TRRAP: variants seen among roughly 807,000 people sequenced by gnomAD.
The protein encoded by TRRAP is transformation/transcription domain associated protein.
A neutral mutation model predicts 438.8 loss-of-function variants in TRRAP; 41 were observed. That is an observed-to-expected ratio of 0.09 (90% CI 0.07 to 0.12). TRRAP has a LOEUF of 0.12. Among genes scored for constraint, TRRAP ranks in the 10% least tolerant of loss-of-function variants. The pLI is 1.00. For missense variants in TRRAP, 3,122 were observed against 5,055.1 expected, an observed-to-expected ratio of 0.62 and a Z score of 11.60; for synonymous variants, 1,994 against 1,962.9, an observed-to-expected ratio of 1.02 and a Z score of -0.42.
At chr7:98,971,306 A>G (rs572739327) in intron 52 of TRRAP, among the ~76,000 whole-genome samples, 2 of 152,296 alleles carry the variant, frequency 1.3e-5, no homozygotes, top group Non-Finnish European at 2.9e-5. Flanking sequence ...GACTTCAAGG[A>G]GTAGTTTGAT....
At chr7:98,985,560 A>G (rs1485255959) in intron 62 of TRRAP, among the ~76,000 whole-genome samples, 1 of 152,226 alleles carries the variant, frequency 6.6e-6, no homozygotes, top group African/African-American at 2.4e-5. Flanking sequence ...TTTGCTGTCT[A>G]GCCCATCGCA....
rs114350460 is a variant in TRRAP at position 98,940,422 on chromosome 7, T to C, written c.4405-2527T>C. ...CCAGGCTGGTCTTAAACTCCTGACC[T>C]CATGTGAACCACTGCGCCTGGCCCA... On this transcript the variant is annotated intron_variant, in intron 30 of 72. Transcript: ENST00000456197. Among the ~76,000 whole-genome samples the C allele has an allele frequency of 6.2e-3, 940 of 152,242 alleles. 10 individuals carry two copies. Among genetic ancestry groups the C allele is most frequent in the African/African-American group, 0.021 (876 of 41,536 alleles).
chr7:98,916,355 C>G (rs930077790), intron 19 of TRRAP, among the ~76,000 whole-genome samples: 3 of 152,114 alleles, frequency 2.0e-5, no homozygotes, highest in Admixed American at 6.5e-5. Flanking sequence ...TCCTGTAATT[C>G]CTGTATAATT....
Position 98,956,266 on chromosome 7 carries a change from G to T in TRRAP, c.6058G>T (p.Val2020Phe). 1 of 1,614,214 alleles carries T rather than the reference G, an allele frequency of 6.2e-7. No individual in the cohort carries two copies. Among genetic ancestry groups the T allele is most frequent in the East Asian group, 2.2e-5 (1 of 44,878 alleles). ...RRLAVDLSEV[V>F]IKWELQRIKD... ...GCTGGCCGTGGACCTGTCTGAAGTC[G>T]TCATCAAGTGGGAGCTGCAGAGGAT... The change falls in exon 42 of 73, where the codon GTC (valine) becomes TTC (phenylalanine). Residue 2020 changes from valine (V) to phenylalanine (F), a missense_variant. Val to Phe is a conservative substitution (Grantham distance 50). Transcript: ENST00000456197. This position sits in a 1 kb window ranked among gnomAD's most constrained non-coding sequence, Gnocchi z 4.5.
At position 98,881,228 on chromosome 7, in the gene TRRAP, A is replaced by G; in HGVS notation, c.78A>G (p.Ala26=). The G allele has an allele frequency of 1.2e-6, 2 of 1,609,688 alleles. No individual in the cohort carries two copies. The highest frequency in any genetic ancestry group is 1.7e-6 in the Non-Finnish European group (2 of 1,177,700). ...TGAAAAAGTACCTTCAGTTTGTGGC[A>G]GCTCTCACAGATGTGAATACACGTG... ...TLMKKYLQFV[A]ALTDVNTPDE... is the part of the protein sequence containing the mutation. Residue 26 remains alanine, a synonymous_variant, in exon 2 of 73, where the codon GCA becomes GCG. Coordinates refer to ENST00000456197, the MANE Select transcript of TRRAP (RefSeq NM_001375524.1).
At chr7:98,911,544 T>A (rs2116413424) in intron 17 of TRRAP, among the ~76,000 whole-genome samples, 1 of 152,228 alleles carries the variant, frequency 6.6e-6, no homozygotes, top group South Asian at 2.1e-4. Flanking sequence ...AGGCCGGGGA[T>A]TGCTTGAGCC....
rs141066731 is a variant in TRRAP at position 99,003,055 on chromosome 7, T to C, written c.10310-1135T>C. Among the ~76,000 whole-genome samples, 40 of 152,308 alleles carry C rather than the reference T, an allele frequency of 2.6e-4. No individual in the cohort carries two copies. In the East Asian group the frequency reaches 7.0e-3, roughly 27 times the overall value. On this transcript the variant is annotated intron_variant, in intron 67 of 72. Transcript: ENST00000456197. ...CGCCACGACTCAGCCAGCATTCCAT[T>C]TGGGCTCAGGACGCCAGCCCTGGGG... is the stretch of plus-strand genomic sequence containing the variant.
At chr7:98,890,522 A>G (rs1322931366) in intron 4 of TRRAP, 77 bp downstream of exon 4, 21 of 1,035,664 alleles carry the variant, frequency 2.0e-5, no homozygotes, top group Non-Finnish European at 2.8e-5. Context: ...CAGAAAACTT[A>G]CGGTTCCACT....
chr7:98,993,478 TC>T, intron 65 of TRRAP, 59 bp from the exon 66 acceptor site: 1 of 1,574,334 alleles, frequency 6.4e-7, no homozygotes, highest in Non-Finnish European at 8.6e-7. Context: ...CCTGCAGCGC[TC>T]CGAGCCCTGG....
Position 98,881,125 on chromosome 7 carries a change from G to A in TRRAP, c.-26G>A, listed in dbSNP as rs1554402969. On this transcript the variant is annotated 5_prime_UTR_variant, in exon 2 of 73. An upstream open reading frame in the 5' UTR loses its in-frame stop. Transcript: ENST00000456197. ...CTCATGGACCTGATACTTTTCTCTT[G>A]AGAAGCAAACCAGCCCAAAAGAAAA... The A allele has an allele frequency of 1.9e-6, 3 of 1,593,422 alleles. No homozygotes were observed. Among genetic ancestry groups the A allele is most frequent in the Admixed American group, 1.7e-5 (1 of 57,214 alleles).
intron 3 of TRRAP, 93 bp downstream of exon 3, chr7:98,882,117 A>C: frequency 1.9e-6 from 2 of 1,053,572 alleles, no homozygotes; most frequent in Non-Finnish European, 2.8e-6. Context: ...CTAGCAACTC[A>C]AAGATCATTG....
chr7:98,945,670 A>G (rs1791019514), intron 31 of TRRAP, 77 bp from the exon 32 acceptor site: 1 of 1,540,290 alleles, frequency 6.5e-7, no homozygotes, highest in Non-Finnish European at 8.8e-7. Context: ...AATAACCCTT[A>G]CTGTGTTTGA....
At chr7:98,916,735 C>G (rs1454663404) in intron 19 of TRRAP, among the ~76,000 whole-genome samples, 1 of 152,188 alleles carries the variant, frequency 6.6e-6, no homozygotes, top group Non-Finnish European at 1.5e-5. Flanking sequence ...TTCCTCCCTC[C>G]CGGTCTCATT....
rs868948574 is a variant in TRRAP, at chr7:98,911,117, C to T, written c.1853C>T (p.Ala618Val). 1 of 1,614,068 alleles carries T rather than the reference C, an allele frequency of 6.2e-7. No individual in the cohort carries two copies. Among genetic ancestry groups the T allele is most frequent in the Non-Finnish European group, 8.5e-7 (1 of 1,180,004 alleles). Residue 618 changes from alanine to valine, a missense_variant, in exon 17 of 73, where the codon GCC becomes GTC. By Grantham distance (64) the Ala-to-Val change is moderately conservative (BLOSUM62 0). Transcript: ENST00000456197. ...AATGGACAGACATACATCCGTGTGGCCAACTGCCAGACTGTGAGAATGAAA... is the reference window on the plus strand; with the variant it reads ...AATGGACAGACATACATCCGTGTGGTCAACTGCCAGACTGTGAGAATGAAA... ...AGNGQTYIRV[A>V]NCQTVRMKEE...
intron 67 of TRRAP, among the ~76,000 whole-genome samples, chr7:99,000,795 G>A (rs1012476700): frequency 2.0e-5 from 3 of 152,238 alleles, no homozygotes; most frequent in Non-Finnish European, 4.4e-5. Flanking sequence ...GTCGTGGCCA[G>A]GCTGGGCTGG....
intron 45 of TRRAP, 51 bp from the exon 46 acceptor site, chr7:98,961,210 T>TA: frequency 1.3e-6 from 2 of 1,575,554 alleles, no homozygotes; most frequent in Non-Finnish European, 1.7e-6. Flanking sequence ...TAGAATTTGT[T>TA]GTCATTGAGT....
rs1796873406 is a variant in TRRAP at position 98,908,115 on chromosome 7, G to A, written c.1116-613G>A. ...GAACTGTCCCTGGAACCCTGTTTAA[G>A]AATAGCTTGCCCCACTCATCTTTCT... On this transcript the variant is annotated intron_variant, in intron 13 of 72. Coordinates refer to ENST00000456197, the MANE Select transcript of TRRAP (RefSeq NM_001375524.1). The surrounding 1 kb of genome is among the most constrained non-coding windows in gnomAD (Gnocchi z 4.1). 6.6e-6 allele frequency among the ~76,000 whole-genome samples: 1 copy of A among 152,204 alleles called. No individual in the cohort carries two copies. Among genetic ancestry groups the A allele is most frequent in the Non-Finnish European group, 1.5e-5 (1 of 68,036 alleles).
At chr7:98,964,865 G>C in intron 48 of TRRAP, 90 bp downstream of exon 48, 1 of 1,425,276 alleles carries the variant, frequency 7.0e-7, no homozygotes, top group South Asian at 1.5e-5. Context: ...ACTCTAAAGG[G>C]AATGTGCATT....
At chr7:98,946,594 CACA>C (rs1375820512) in intron 33 of TRRAP, among the ~76,000 whole-genome samples, 13 of 151,202 alleles carry the variant, frequency 8.6e-5, no homozygotes, top group African/African-American at 3.2e-4. Context: ...CACATATGCA[CACA>C]ACACATATGC....
Sources: gnomAD v4.1 joint callset for allele counts (sites outside exome capture counted in the v4.1 genomes callset) on GRCh38, gnomAD v4.1.1 for gene constraint, Gnocchi (gnomAD v3.1) non-coding constraint, MANE v1.5 for transcripts, NCBI Gene and HGNC (gene_info 2026-07-23, HGNC 2026-07-21) for gene names.